The following VEZF1 variants were observed in gnomAD, a reference collection of about 807,000 sequenced individuals.
VEZF1 encodes the protein vascular endothelial zinc finger 1.
A neutral mutation model predicts 44.1 loss-of-function variants in VEZF1; 5 were observed. That is an observed-to-expected ratio of 0.11 (90% CI 0.06 to 0.24). VEZF1 has a LOEUF of 0.24. VEZF1 is among the 10% of genes least tolerant of loss of function. The probability of loss-of-function intolerance (pLI) is 1.00; values close to 1 mark genes in which losing one functional copy is unlikely to be tolerated. For synonymous variants in VEZF1, 236 were observed against 233.1 expected (o/e 1.01, Z -0.11); for missense variants, 358 against 641.8 (o/e 0.56, Z 4.78).
rs552607349 is a variant in VEZF1 at position 57,972,090 on chromosome 17, A to G, written c.*2383T>C. On this transcript the variant is annotated 3_prime_UTR_variant, in exon 6 of 6. Coordinates refer to ENST00000581208, the MANE Select transcript of VEZF1 (RefSeq NM_007146.3). ...CTTAAGTGAATAAAGAATGCATACAAAATAGTATTTTAACTGAAGTCATAC... is the reference window on the plus strand; with the variant it reads ...CTTAAGTGAATAAAGAATGCATACAGAATAGTATTTTAACTGAAGTCATAC... 6 of 152,780 alleles carry G rather than the reference A, an allele frequency of 3.9e-5. No homozygotes were observed. The East Asian group carries it at 1.2e-3, about 29-fold the overall frequency. 9.5% of individuals were successfully genotyped at this position (152,780 alleles called of 1,614,324 possible). A position where few individuals can be genotyped will look rare whatever the true frequency, so the allele number is the denominator to read the frequency against.
rs986022706 is a variant in VEZF1 at position 57,972,462 on chromosome 17, T to G, written c.*2011A>C. 1.3e-5 allele frequency: 2 copies of G among 152,622 alleles called. No homozygotes were observed. The highest frequency in any genetic ancestry group is 1.5e-5 in the Non-Finnish European group (1 of 68,046). The allele number at this position is 152,622 out of a possible 1,614,324, so 9.5% of individuals were successfully genotyped here. A position where few individuals can be genotyped will look rare whatever the true frequency, so the allele number is the denominator to read the frequency against. On this transcript the variant is annotated 3_prime_UTR_variant, in exon 6 of 6. Coordinates refer to ENST00000581208, the MANE Select transcript of VEZF1 (RefSeq NM_007146.3). ...GGCCTCAGCAAGGTCATTCTTGGGCTTTCCCTACACGAGTCCTTCCAGTAG... is the reference window on the plus strand; with the variant it reads ...GGCCTCAGCAAGGTCATTCTTGGGCGTTCCCTACACGAGTCCTTCCAGTAG...
chr17:57,981,447 G>A (rs116751081), intron 3 of VEZF1, among the ~76,000 whole-genome samples: 141 of 152,130 alleles, frequency 9.3e-4, no homozygotes, highest in African/African-American at 3.4e-3. Context: ...GTTCCAATTT[G>A]GTAATAACAA....
In VEZF1 at chr17:57,982,800, C is replaced by G; in HGVS notation, c.627G>C (p.Gln209His). 6.2e-7 allele frequency: 1 copy of G among 1,614,214 alleles called. No individual in the cohort carries two copies. Among genetic ancestry groups the G allele is most frequent in the East Asian group, 2.2e-5 (1 of 44,886 alleles). The change falls in exon 2 of 6, where the codon CAG becomes CAC. Residue 209 changes from glutamine to histidine, a missense_variant. Transcript: ENST00000581208. ...TCATCCGGTCCTTCCTCTTGAAGCG[C>G]TGATTACAAATAGGACACTCAAAGG... is the stretch of plus-strand genomic sequence containing the variant. The part of the protein sequence containing the change: ...EKPFECPICN[Q>H]RFKRKDRMTY...
rs2075267417 is a variant in VEZF1 at position 57,983,261 on chromosome 17, G to C, written c.166C>G (p.Pro56Ala). 6.2e-7 allele frequency: 1 copy of C among 1,614,024 alleles called. No homozygotes were observed. Among genetic ancestry groups the C allele is most frequent in the East Asian group, 2.2e-5 (1 of 44,886 alleles). Residue 56 changes from proline (P) to alanine (A), a missense_variant, in exon 2 of 6, where the codon CCA becomes GCA. Pro to Ala is a conservative substitution (Grantham distance 27). Transcript: ENST00000581208. ...IPITQKPQGA[P>A]ETLKDAIGIK... ...CCAATGGCATCCTTTAATGTTTCTG[G>C]TGCACCCTGAGGTTTCTGAGTTATT...
chr17:57,988,142 CT>C lies in VEZF1; in HGVS notation c.-32del. ...CGGCGGCCGACCCCCCTCCTCCCCA[CT>C]CCCCCCGCTCGGGGAGCCTCCTCAG... On this transcript the variant is annotated 5_prime_UTR_variant, in exon 1 of 6. Coordinates refer to ENST00000581208, the MANE Select transcript of VEZF1 (RefSeq NM_007146.3). The C allele has an allele frequency of 1.4e-6, 1 of 723,964 alleles. No homozygotes were observed. Among genetic ancestry groups the C allele is most frequent in the Non-Finnish European group, 1.8e-6 (1 of 554,442 alleles). The allele number at this position is 723,964 out of a possible 1,614,324, so 44.8% of individuals were successfully genotyped here. A position where few individuals can be genotyped will look rare whatever the true frequency, so the allele number is the denominator to read the frequency against.
intron 5 of VEZF1, among the ~76,000 whole-genome samples, chr17:57,977,370 T>C (rs2075202414): frequency 6.6e-6 from 1 of 152,000 alleles, no homozygotes; most frequent in Non-Finnish European, 1.5e-5. Context: ...CAAGTGATCC[T>C]CCCACCTTGG....
chr17:57,974,622 G>T lies in VEZF1; in HGVS notation c.1417C>A (p.Pro473Thr), dbSNP rs760138170. ...PVNLPTPVTA[P>T]VNIAHPVTIT... Reference sequence around the variant, plus strand: ...GTGACAGGGTGTGCTATATTCACTGGGGCAGTGACGGGGGTGGGGAGGTTG... The same window carrying T: ...GTGACAGGGTGTGCTATATTCACTGTGGCAGTGACGGGGGTGGGGAGGTTG... Residue 473 changes from proline (P) to threonine (T), a missense_variant, in exon 6 of 6, where the codon CCA becomes ACA. Physicochemically the swap from Pro to Thr is conservative, Grantham distance 38 (BLOSUM62 -1). This residue lies in a region of VEZF1 where 171 missense variants were observed against 272.4 expected (regional missense o/e 0.63). Coordinates refer to ENST00000581208, the MANE Select transcript of VEZF1 (RefSeq NM_007146.3). 16 of 1,614,138 alleles carry T rather than the reference G, an allele frequency of 9.9e-6. No homozygotes were observed. The East Asian group carries it at 3.6e-4, about 36-fold the overall frequency.
chr17:57,983,196 A>C lies in VEZF1; in HGVS notation c.231T>G (p.Thr77=). 6.2e-7 allele frequency: 1 copy of C among 1,614,036 alleles called. No homozygotes were observed. Among genetic ancestry groups the C allele is most frequent in the Non-Finnish European group, 8.5e-7 (1 of 1,179,970 alleles). The part of the protein sequence containing the change: ...KEKPKTSFVC[T]YCSKAFRDSY... ...TGTCCCTGAAAGCTTTACTGCAGTA[A>C]GTGCACACAAATGAAGTTTTGGGTT... The change falls in exon 2 of 6, where the codon ACT becomes ACG. Residue 77 remains threonine (T), a synonymous_variant. Transcript: ENST00000581208.
At chr17:57,976,521 AAT>A (rs1311952442) in intron 5 of VEZF1, among the ~76,000 whole-genome samples, 1 of 152,214 alleles carries the variant, frequency 6.6e-6, no homozygotes, top group African/African-American at 2.4e-5. Context: ...CTTCCCAGAC[AAT>A]ATGATTGTCG....
chr17:57,979,258 C>T lies in VEZF1; in HGVS notation c.1032G>A (p.Gln344=), dbSNP rs774372573. ...GTTGTTGTTGTTGCTGCTGCTGCTG[C>T]TGCTGCTGCTGCTGCTGCTGCTGCT... The part of the protein sequence containing the change: ...NQKQQQQQQQ[Q]QQQQQQQQQQ... Residue 344 remains glutamine (Q), a synonymous_variant, in exon 5 of 6, where the codon CAG becomes CAA. Coordinates refer to ENST00000581208, the MANE Select transcript of VEZF1 (RefSeq NM_007146.3). 1 of 1,601,018 alleles carries T rather than the reference C, an allele frequency of 6.2e-7. No homozygotes were observed. Among genetic ancestry groups the T allele is most frequent in the East Asian group, 2.2e-5 (1 of 44,770 alleles).
At chr17:57,979,697 T>C (rs966010958) in intron 4 of VEZF1, among the ~76,000 whole-genome samples, 5 of 152,086 alleles carry the variant, frequency 3.3e-5, no homozygotes, top group African/African-American at 9.7e-5. Context: ...CAGTGGCTCA[T>C]GCCTGTAATC....
At chr17:57,981,098 C>T (rs571695348) in intron 3 of VEZF1, among the ~76,000 whole-genome samples, 30 of 152,154 alleles carry the variant, frequency 2.0e-4, no homozygotes, top group Non-Finnish European at 4.1e-4. Context: ...AGTTGGTTAA[C>T]CTATCTGAAA....
chr17:57,983,266 C>G lies in VEZF1; in HGVS notation c.161G>C (p.Gly54Ala), dbSNP rs1226988993. ...GGCATCCTTTAATGTTTCTGGTGCA[C>G]CCTGAGGTTTCTGAGTTATTGGTAT... The part of the protein sequence containing the change: ...LPIPITQKPQ[G>A]APETLKDAIG... The change falls in exon 2 of 6, where the codon GGT becomes GCT. Residue 54 changes from glycine (G) to alanine (A), a missense_variant. Around this residue, in one of 4 missense-constraint regions of VEZF1, gnomAD observed 117 missense variants for 207.2 expected, o/e 0.56. Coordinates refer to ENST00000581208, the MANE Select transcript of VEZF1 (RefSeq NM_007146.3). 13 of 1,614,024 alleles carry G rather than the reference C, an allele frequency of 8.1e-6. No homozygotes were observed. Among genetic ancestry groups the G allele is most frequent in the Non-Finnish European group, 1.1e-5 (13 of 1,180,014 alleles).
chr17:57,987,637 G>T (rs900226329), intron 1 of VEZF1, among the ~76,000 whole-genome samples: 2 of 151,986 alleles, frequency 1.3e-5, no homozygotes, highest in African/African-American at 4.8e-5. Flanking sequence ...GCGGGGAGGA[G>T]ACTCAGGGCA....
In VEZF1 at chr17:57,972,134, TTTA is replaced by T. The variant is rs2075142687; in HGVS notation, c.*2336_*2338del. ...GTCATACAATGAAGTCTCACTCCTG[TTTA>T]TTATACAATGAATTGATAAAACAAT... On this transcript the variant is annotated 3_prime_UTR_variant, in exon 6 of 6. Coordinates refer to ENST00000581208, the MANE Select transcript of VEZF1 (RefSeq NM_007146.3). 1 of 152,682 alleles carries T rather than the reference TTTA, an allele frequency of 6.5e-6. No homozygotes were observed. The highest frequency in any genetic ancestry group is 2.4e-5 in the African/African-American group (1 of 41,472). The allele number at this position is 152,682 out of a possible 1,614,324, so 9.5% of individuals were successfully genotyped here.
intron 3 of VEZF1, among the ~76,000 whole-genome samples, chr17:57,981,661 A>C (rs914066463): frequency 5.3e-5 from 8 of 152,226 alleles, no homozygotes; most frequent in Non-Finnish European, 1.2e-4. Flanking sequence ...ATATAGCTTA[A>C]AAAAAACAAC....
Position 57,974,312 on chromosome 17 carries a change from T to C in VEZF1, c.*161A>G, listed in dbSNP as rs2075166724. 2 of 847,012 alleles carry C rather than the reference T, an allele frequency of 2.4e-6. No homozygotes were observed. The allele number at this position is 847,012 out of a possible 1,614,324, so 52.5% of individuals were successfully genotyped here. ...GATAAGTTACATACACACCCTACTT[T>C]GAATAATCCCAGCCAAATTGGAGAA... is the stretch of plus-strand genomic sequence containing the variant. On this transcript the variant is annotated 3_prime_UTR_variant, in exon 6 of 6. Coordinates refer to ENST00000581208, the MANE Select transcript of VEZF1 (RefSeq NM_007146.3).
At chr17:57,983,929 T>C (rs1555573586) in intron 1 of VEZF1, among the ~76,000 whole-genome samples, 1 of 152,220 alleles carries the variant, frequency 6.6e-6, no homozygotes, top group Non-Finnish European at 1.5e-5. Context: ...TCTAGTTCTC[T>C]AAATACATTT....
In VEZF1 at chr17:57,972,400, A is replaced by C. The variant is rs972179543; in HGVS notation, c.*2073T>G. On this transcript the variant is annotated 3_prime_UTR_variant, in exon 6 of 6. Transcript: ENST00000581208. ...TGGGTCTGCATGCCAGGAAATGTGA[A>C]CTTCCTCCAAATGTGGCCACTGTGC... 6.6e-6 allele frequency: 1 copy of C among 152,322 alleles called. No homozygotes were observed. Among genetic ancestry groups the C allele is most frequent in the Non-Finnish European group, 1.5e-5 (1 of 68,018 alleles). 9.4% of individuals were successfully genotyped at this position (152,322 alleles called of 1,614,324 possible).
Sources: allele counts gnomAD v4.1 joint callset (sites outside exome capture counted in the v4.1 genomes callset), GRCh38; gene constraint gnomAD v4.1.1; regional missense constraint gnomAD v4.1.1; transcripts MANE v1.5; gene names NCBI Gene and HGNC (gene_info 2026-07-23, HGNC 2026-07-21).